The following ZIM2 variants were observed in gnomAD, a reference collection of about 807,000 sequenced individuals.
ZIM2 encodes the protein zinc finger imprinted 2.
ZIM2 carries 14 observed loss-of-function variants against 38.6 expected under a neutral mutation model. That is an observed-to-expected ratio of 0.36 (90% CI 0.24 to 0.57). The LOEUF is 0.57. Ranked by LOEUF, ZIM2 falls within the 20% of genes least tolerant of loss-of-function variation. The pLI is 0.81. For missense variants in ZIM2, 680 were observed against 695.1 expected (o/e 0.98, Z 0.24); for synonymous variants, 247 against 245.8 (o/e 1.00, Z -0.04).
intron 9 of ZIM2, chr19:56,816,481 GGGTTCCCTCTAGTATGGA>G (rs1379750321): frequency 6.2e-7 from 1 of 1,613,332 alleles, no homozygotes; most frequent in Non-Finnish European, 8.5e-7. Context: ...GTTTTCAAAT[GGGTTCCCTCTAGTATGGA>G]TTTTCTGATG....
intron 1 of ZIM2, among the ~76,000 whole-genome samples, chr19:56,840,233 C>T (rs187259805): frequency 3.9e-5 from 6 of 152,310 alleles, no homozygotes; most frequent in Non-Finnish European, 8.8e-5. Context: ...GCCCTAATGC[C>T]CCCGGTTTGC....
In ZIM2 at chr19:56,789,864, T is replaced by C; in HGVS notation, c.570+8A>G. 1 of 1,550,104 alleles carries C rather than the reference T, an allele frequency of 6.5e-7. No individual in the cohort carries two copies. Among genetic ancestry groups the C allele is most frequent in the Non-Finnish European group, 8.8e-7 (1 of 1,136,972 alleles). ...TTGATAACCATGTCAGAGGAAAGCC[T>C]GACTCACCTGGGACCCAGCAGATGG... On this transcript the variant is annotated splice_region_variant and intron_variant, in intron 10 of 12. Coordinates refer to ENST00000629319, the MANE Select transcript of ZIM2 (RefSeq NM_001387356.1).
Position 56,781,935 on chromosome 19 carries a change from T to G in ZIM2, c.739+18A>C. On this transcript the variant is annotated intron_variant, in intron 11 of 12. Coordinates refer to ENST00000629319, the MANE Select transcript of ZIM2 (RefSeq NM_001387356.1). ...CCTAGTGGGAAGAAACCAAGTCCTG[T>G]GGAGAAGGCATACTTACCCAGGGAG... is the stretch of plus-strand genomic sequence containing the variant. The G allele has an allele frequency of 6.2e-7, 1 of 1,611,092 alleles. No homozygotes were observed. The highest frequency in any genetic ancestry group is 8.5e-7 in the Non-Finnish European group (1 of 1,177,854).
chr19:56,774,707 A>G lies in ZIM2; in HGVS notation c.1658T>C (p.Val553Ala), dbSNP rs746326590. The G allele has an allele frequency of 6.8e-6, 11 of 1,614,174 alleles. No homozygotes were observed. The highest frequency in any genetic ancestry group is 9.3e-6 in the Non-Finnish European group (11 of 1,180,018). ...HYQLHSQEKTVECDHC is the reference protein window; with the variant it reads ...HYQLHSQEKTAECDHC ...GGTTTCTCAACAGTGATCGCACTCAACAGTTTTCTCTTGAGAATGGAGTTG... is the reference window on the plus strand; with the variant it reads ...GGTTTCTCAACAGTGATCGCACTCAGCAGTTTTCTCTTGAGAATGGAGTTG... Residue 553 changes from valine to alanine, a missense_variant, in exon 13 of 13, where the codon GTT becomes GCT. Coordinates refer to ENST00000629319, the MANE Select transcript of ZIM2 (RefSeq NM_001387356.1).
intron 9 of ZIM2, chr19:56,815,935 T>C: frequency 3.1e-6 from 5 of 1,605,294 alleles, no homozygotes; most frequent in Non-Finnish European, 4.3e-6. Flanking sequence ...CACTAAGCTA[T>C]GGATAACAGA....
chr19:56,818,168 C>T (rs903437636), intron 8 of ZIM2, among the ~76,000 whole-genome samples: 1 of 152,308 alleles, frequency 6.6e-6, no homozygotes, highest in Middle Eastern at 3.4e-3. Flanking sequence ...TACCTCGCGA[C>T]TGCTCTTCCT....
chr19:56,823,488 G>A, intron 5 of ZIM2, 102 bp downstream of exon 5: 1 of 1,351,608 alleles, frequency 7.4e-7, no homozygotes, highest in Non-Finnish European at 1.1e-6. Flanking sequence ...GACCACTCGG[G>A]GATGGCGGGT....
At chr19:56,835,448 A>G (rs2061996138) in intron 2 of ZIM2, among the ~76,000 whole-genome samples, 1 of 152,082 alleles carries the variant, frequency 6.6e-6, no homozygotes, top group Non-Finnish European at 1.5e-5. Context: ...CTCTGCTGAG[A>G]CTACTCTCCC....
intron 7 of ZIM2, among the ~76,000 whole-genome samples, chr19:56,820,520 C>A (rs2060379127): frequency 6.6e-6 from 1 of 152,206 alleles, no homozygotes; most frequent in South Asian, 2.1e-4. Flanking sequence ...TATATCCCAG[C>A]CACCTGGCCC....
intron 1 of ZIM2, among the ~76,000 whole-genome samples, chr19:56,837,722 G>C (rs111855323): frequency 6.6e-6 from 1 of 152,234 alleles, no homozygotes; most frequent in Non-Finnish European, 1.5e-5. Context: ...GGCACAGAAT[G>C]AATGAACACG....
chr19:56,796,046 C>G (rs935710654), intron 9 of ZIM2, among the ~76,000 whole-genome samples: 4 of 152,178 alleles, frequency 2.6e-5, no homozygotes, highest in Non-Finnish European at 4.4e-5. Flanking sequence ...ACCCCCAAAA[C>G]ATACGTAACC....
intron 4 of ZIM2, 40 bp from the exon 5 acceptor site, chr19:56,823,719 A>G: frequency 6.2e-7 from 1 of 1,609,414 alleles, no homozygotes; most frequent in Non-Finnish European, 8.5e-7. Flanking sequence ...TCTCTGGCCC[A>G]CATTCTCACA....
intron 9 of ZIM2, among the ~76,000 whole-genome samples, chr19:56,805,844 C>T (rs1367246162): frequency 6.6e-6 from 1 of 151,894 alleles, no homozygotes; most frequent in Non-Finnish European, 1.5e-5. Context: ...GGATACTGTA[C>T]TGGAGAAAAA....
At chr19:56,821,458 G>A (rs892692203) in intron 7 of ZIM2, among the ~76,000 whole-genome samples, 193 bp downstream of exon 7, 16 of 152,122 alleles carry the variant, frequency 1.1e-4, no homozygotes, top group East Asian at 3.9e-4. Context: ...CCACATGAAC[G>A]ACAAAGAAAC....
At chr19:56,790,785 T>C (rs538632084) in intron 9 of ZIM2, among the ~76,000 whole-genome samples, 80 of 152,350 alleles carry the variant, frequency 5.3e-4, no homozygotes, top group Admixed American at 4.0e-3. Flanking sequence ...TGTGTTAGAA[T>C]GTATGCCCCT....
chr19:56,774,915 G>A lies in ZIM2; in HGVS notation c.1450C>T (p.Arg484Cys). 3.1e-6 allele frequency: 5 copies of A among 1,614,148 alleles called. No individual in the cohort carries two copies. Among genetic ancestry groups the A allele is most frequent in the East Asian group, 4.5e-5 (2 of 44,882 alleles). ...GLSHSKTYLIRYQRKHDYVGE... is the reference protein window; with the variant it reads ...GLSHSKTYLICYQRKHDYVGE... ...ACGTAGTCATGTTTCCGCTGATAAC[G>A]AATTAAGTATGTCTTGCTGTGGGAC... Residue 484 changes from arginine (R) to cysteine (C), a missense_variant, in exon 13 of 13, where the codon CGT becomes TGT. Coordinates refer to ENST00000629319, the MANE Select transcript of ZIM2 (RefSeq NM_001387356.1).
chr19:56,839,193 G>C (rs893552823), intron 1 of ZIM2, among the ~76,000 whole-genome samples: 1 of 152,006 alleles, frequency 6.6e-6, no homozygotes, highest in Non-Finnish European at 1.5e-5. Flanking sequence ...TGTCACTTCA[G>C]CCTTGCCCCG....
intron 2 of ZIM2, among the ~76,000 whole-genome samples, chr19:56,827,796 TAG>T (rs1310431072): frequency 1.3e-5 from 2 of 152,250 alleles, no homozygotes; most frequent in East Asian, 3.9e-4. Context: ...ATCTCCAAGA[TAG>T]TTAAGTGCAA....
At chr19:56,827,204 T>C (rs2061125169) in intron 2 of ZIM2, among the ~76,000 whole-genome samples, 3 of 152,192 alleles carry the variant, frequency 2.0e-5, no homozygotes, top group African/African-American at 7.2e-5. Flanking sequence ...TTGTGACCAC[T>C]TGAATGCCCA....
Sources: allele counts gnomAD v4.1 joint callset (sites outside exome capture counted in the v4.1 genomes callset), GRCh38; gene constraint gnomAD v4.1.1; transcripts MANE v1.5; gene names NCBI Gene and HGNC (gene_info 2026-07-23, HGNC 2026-07-21).